TPX2: variants seen among roughly 807,000 people sequenced by gnomAD.
The protein encoded by TPX2 is TPX2 microtubule nucleation factor.
In TPX2, 21 loss-of-function variants were observed where a neutral mutation model predicts 93.6. That is an observed-to-expected ratio of 0.22 (90% CI 0.16 to 0.32). TPX2 has a LOEUF of 0.32. Among genes scored for constraint, TPX2 ranks in the 10% least tolerant of loss-of-function variants. The pLI is 1.00. For synonymous variants in TPX2, 281 were observed against 298.3 expected (o/e 0.94, Z 0.60); for missense variants, 776 against 871.1 (o/e 0.89, Z 1.37).
intron 8 of TPX2, among the ~76,000 whole-genome samples, chr20:31,777,179 A>G (rs8124318): frequency 6.6e-6 from 1 of 152,170 alleles, no homozygotes; most frequent in South Asian, 2.1e-4. Context: ...TTTTCTTATC[A>G]AAAGTATTCC....
chr20:31,742,647 G>A lies in TPX2; in HGVS notation c.-71G>A, dbSNP rs1600347369. ...GGCCTGATAGACTGATTAAACCACA[G>A]GTAAGGCAGTGACCATAGGAATAAG... On this transcript the variant is annotated splice_region_variant and 5_prime_UTR_variant, in exon 2 of 18. Coordinates refer to ENST00000300403, the MANE Select transcript of TPX2 (RefSeq NM_012112.5). 2 of 152,096 alleles carry A rather than the reference G, an allele frequency of 1.3e-5. No individual in the cohort carries two copies. The highest frequency in any genetic ancestry group is 4.1e-4 in the South Asian group (2 of 4,826). The allele number at this position is 152,096 out of a possible 1,614,324, so 9.4% of individuals were successfully genotyped here.
chr20:31,749,795 CA>C (rs945417887), intron 2 of TPX2, among the ~76,000 whole-genome samples: 1 of 146,376 alleles, frequency 6.8e-6, no homozygotes, highest in Non-Finnish European at 1.5e-5. Context: ...AACTCTGTCT[CA>C]AAAAAAAAGA....
chr20:31,785,273 A>G (rs1351151838), intron 12 of TPX2, among the ~76,000 whole-genome samples: 1 of 152,090 alleles, frequency 6.6e-6, no homozygotes, highest in Non-Finnish European at 1.5e-5. Flanking sequence ...CCCCCACCCA[A>G]GTGATTAATC....
At chr20:31,747,815 A>G (rs571442454) in intron 2 of TPX2, among the ~76,000 whole-genome samples, 139 of 147,884 alleles carry the variant, frequency 9.4e-4, no homozygotes, top group Non-Finnish European at 1.6e-3. Flanking sequence ...CAGAAATTCA[A>G]TCTTGATTAA....
chr20:31,759,443 A>G (rs2061874083), intron 3 of TPX2, among the ~76,000 whole-genome samples: 2 of 122,512 alleles, frequency 1.6e-5, no homozygotes, highest in Admixed American at 2.3e-4. Flanking sequence ...CTCTGTCGCC[A>G]GGCTGTAGTG....
chr20:31,752,604 C>G (rs2061826232), intron 2 of TPX2, among the ~76,000 whole-genome samples: 1 of 152,098 alleles, frequency 6.6e-6, no homozygotes. Flanking sequence ...GTGTTCAGGA[C>G]TACATCTACT....
chr20:31,774,325 AT>A (rs2061982341), intron 7 of TPX2, among the ~76,000 whole-genome samples: 1 of 152,090 alleles, frequency 6.6e-6, no homozygotes, highest in East Asian at 1.9e-4. Context: ...AATTATTTTA[AT>A]TTTTATGTAT....
intron 12 of TPX2, among the ~76,000 whole-genome samples, chr20:31,785,590 C>T (rs1006610092): frequency 3.9e-5 from 6 of 151,934 alleles, no homozygotes; most frequent in South Asian, 2.1e-4. Context: ...CTCCGCCTCC[C>T]GGGTTTAAGC....
chr20:31,759,955 G>A, intron 3 of TPX2, 102 bp from the exon 4 acceptor site: 1 of 1,488,292 alleles, frequency 6.7e-7, no homozygotes, highest in Non-Finnish European at 9.0e-7. Context: ...ACATGAGTTG[G>A]AAGTGTACTG....
intron 11 of TPX2, 83 bp downstream of exon 11, chr20:31,782,473 AT>A (rs2062039183): frequency 1.3e-6 from 2 of 1,506,392 alleles, no homozygotes; most frequent in African/African-American, 2.8e-5. Flanking sequence ...GACAGTTGCT[AT>A]TTTTCTTTCC....
chr20:31,777,451 ATGT>A, intron 8 of TPX2, 33 bp from the exon 9 acceptor site: 2 of 1,601,124 alleles, frequency 1.2e-6, no homozygotes, highest in Non-Finnish European at 1.7e-6. Context: ...CCCTATCTTA[ATGT>A]TGTCTGTATG....
chr20:31,766,140 C>T (rs1726728064), intron 4 of TPX2, among the ~76,000 whole-genome samples: 1 of 152,136 alleles, frequency 6.6e-6, no homozygotes, highest in African/African-American at 2.4e-5. Context: ...TATTTTTTAT[C>T]ACTACTCTAA....
rs150857545 is a variant in TPX2 at position 31,799,771 on chromosome 20, G to T, written c.2134-1199G>T. On this transcript the variant is annotated intron_variant, in intron 17 of 17. Coordinates refer to ENST00000300403, the MANE Select transcript of TPX2 (RefSeq NM_012112.5). ...AAAAATTAGCCGGGCATGGTGGCAC[G>T]CACCTGTAATCCCAGCTACTCGGGA... Among the ~76,000 whole-genome samples the T allele has an allele frequency of 8.5e-3, 1,285 of 151,652 alleles. 20 individuals carry two copies. Among genetic ancestry groups the T allele is most frequent in the African/African-American group, 0.03 (1,223 of 41,350 alleles).
intron 7 of TPX2, among the ~76,000 whole-genome samples, chr20:31,773,315 C>G (rs1195372247): frequency 6.6e-6 from 1 of 152,004 alleles, no homozygotes; most frequent in Non-Finnish European, 1.5e-5. Flanking sequence ...CCACACCTGG[C>G]TCATTTTTTA....
chr20:31,741,626 A>G (rs889219867), intron 1 of TPX2, among the ~76,000 whole-genome samples: 2 of 150,622 alleles, frequency 1.3e-5, no homozygotes, highest in African/African-American at 2.4e-5. Context: ...CTACAGGCGC[A>G]TGCCACCACA....
chr20:31,744,131 C>T (rs1287093438), intron 2 of TPX2, among the ~76,000 whole-genome samples: 2 of 150,342 alleles, frequency 1.3e-5, no homozygotes, highest in African/African-American at 2.5e-5. Context: ...AAAAATCATA[C>T]ACTAAAAACT....
intron 2 of TPX2, among the ~76,000 whole-genome samples, chr20:31,755,938 G>A (rs1158517051): frequency 1.3e-5 from 2 of 152,138 alleles, no homozygotes; most frequent in Admixed American, 6.5e-5. Flanking sequence ...GCAAAACTTC[G>A]TACGCAGGAG....
At chr20:31,788,962 T>C (rs535315990) in intron 12 of TPX2, among the ~76,000 whole-genome samples, 1 of 152,132 alleles carries the variant, frequency 6.6e-6, no homozygotes, top group African/African-American at 2.4e-5. Context: ...TGTCCCAGGG[T>C]ACTTGGGGGG....
At chr20:31,763,652 A>G (rs2061904737) in intron 4 of TPX2, among the ~76,000 whole-genome samples, 1 of 151,884 alleles carries the variant, frequency 6.6e-6, no homozygotes, top group Non-Finnish European at 1.5e-5. Context: ...ATAAATGTTT[A>G]GGATTGTTAT....
Sources: allele counts gnomAD v4.1 joint callset (sites outside exome capture counted in the v4.1 genomes callset), GRCh38; gene constraint gnomAD v4.1.1; transcripts MANE v1.5; gene names NCBI Gene and HGNC (gene_info 2026-07-23, HGNC 2026-07-21).